LDB2: variants seen among roughly 807,000 people sequenced by gnomAD.
The protein encoded by LDB2 is LIM domain binding 2.
LDB2 carries 12 observed loss-of-function variants against 44.3 expected under a neutral mutation model. The ratio of observed to expected loss-of-function variants is 0.27; its 90% CI spans 0.17 to 0.44. LDB2 has a LOEUF of 0.44. Ranked by LOEUF, LDB2 falls within the 20% of genes least tolerant of loss-of-function variation. The probability of loss-of-function intolerance (pLI) is 1.00; values close to 1 mark genes in which losing one functional copy is unlikely to be tolerated. For missense variants in LDB2, 344 were observed against 473.5 expected, an observed-to-expected ratio of 0.73 and a Z score of 2.54; for synonymous variants, 164 against 174.8, an observed-to-expected ratio of 0.94 and a Z score of 0.49.
At chr4:16,672,513 G>C (rs973050222) in intron 2 of LDB2, among the ~76,000 whole-genome samples, 6 of 152,176 alleles carry the variant, frequency 3.9e-5, no homozygotes. Flanking sequence ...TTACTTTCTT[G>C]TGTTCTAGTT....
At chr4:16,845,175 G>T (rs1175297555) in intron 1 of LDB2, among the ~76,000 whole-genome samples, 4 of 152,184 alleles carry the variant, frequency 2.6e-5, no homozygotes, top group African/African-American at 9.7e-5. Context: ...GGTCCCTGAA[G>T]CTCTAGAGGG....
chr4:16,537,076 T>C (rs961808048), intron 5 of LDB2, among the ~76,000 whole-genome samples: 2 of 152,218 alleles, frequency 1.3e-5, no homozygotes, highest in African/African-American at 4.8e-5. Flanking sequence ...TGTGTGTGGC[T>C]GAGTGTCTAG....
chr4:16,764,721 G>A (rs561472341), intron 1 of LDB2, among the ~76,000 whole-genome samples: 32 of 152,260 alleles, frequency 2.1e-4, no homozygotes, highest in African/African-American at 5.1e-4. Flanking sequence ...CCTGCTGACC[G>A]TAAACTTAGA....
chr4:16,784,534 G>A (rs776827665), intron 1 of LDB2, among the ~76,000 whole-genome samples: 1 of 152,172 alleles, frequency 6.6e-6, no homozygotes, highest in Non-Finnish European at 1.5e-5. Context: ...CCTCCATAAA[G>A]AGCAATGGTT....
In LDB2 at chr4:16,667,345, T is replaced by C. The variant is rs116731783; in HGVS notation, c.236-71470A>G. On this transcript the variant is annotated intron_variant, in intron 2 of 7. Coordinates refer to ENST00000304523, the MANE Select transcript of LDB2 (RefSeq NM_001290.5). ...GCCGTGCACGGAGCCCTGGGTGACA[T>C]TGTTTACCTGGAATGTTCTACACCA... Among the ~76,000 whole-genome samples, 226 of 152,278 alleles carry C rather than the reference T, an allele frequency of 1.5e-3. 2 individuals are homozygous for C. The highest frequency in any genetic ancestry group is 5.3e-3 in the African/African-American group (219 of 41,554).
At chr4:16,695,933 A>T (rs1379981375) in intron 2 of LDB2, among the ~76,000 whole-genome samples, 1 of 152,222 alleles carries the variant, frequency 6.6e-6, no homozygotes, top group East Asian at 1.9e-4. Context: ...TCCCACTTCC[A>T]GGATTAAATC....
intron 2 of LDB2, among the ~76,000 whole-genome samples, chr4:16,682,143 T>A (rs1417272456): frequency 6.6e-6 from 1 of 152,188 alleles, no homozygotes; most frequent in Non-Finnish European, 1.5e-5. Flanking sequence ...AGTTGATGGA[T>A]TTGAGTCTTA....
chr4:16,563,491 C>T (rs1743283751), intron 5 of LDB2, among the ~76,000 whole-genome samples: 1 of 123,518 alleles, frequency 8.1e-6, no homozygotes, highest in African/African-American at 3.1e-5. Context: ...CTCTGTCACC[C>T]AGGCTGGAGT....
rs1381691933 is a variant in LDB2 at position 16,674,306 on chromosome 4, C to T, written c.236-78431G>A. The stretch of plus-strand genomic sequence containing the variant: ...GGTTGCAGTTTCCTCTGGCATCTGC[C>T]GCTGAATGCACAACTGCAGAAAGAC... On this transcript the variant is annotated intron_variant, in intron 2 of 7. Transcript: ENST00000304523. 39 of 1,274,166 alleles carry T rather than the reference C, an allele frequency of 3.1e-5. 1 individual carries two copies. Among genetic ancestry groups the T allele is most frequent in the African/African-American group, 6.1e-5 (4 of 65,516 alleles). 78.9% of individuals were successfully genotyped at this position (1,274,166 alleles called of 1,614,324 possible).
At chr4:16,797,117 T>C (rs1162636216) in intron 1 of LDB2, among the ~76,000 whole-genome samples, 1 of 152,160 alleles carries the variant, frequency 6.6e-6, no homozygotes, top group Non-Finnish European at 1.5e-5. Flanking sequence ...TCAGGACCCC[T>C]GCATTGACCA....
chr4:16,540,008 C>T (rs1426177068), intron 5 of LDB2, among the ~76,000 whole-genome samples: 3 of 152,138 alleles, frequency 2.0e-5, no homozygotes, highest in Admixed American at 1.3e-4. Context: ...CCTCAGGAAA[C>T]TTATAATCAT....
intron 2 of LDB2, among the ~76,000 whole-genome samples, chr4:16,700,703 TGG>T (rs1240731973): frequency 5.3e-5 from 8 of 152,184 alleles, no homozygotes; most frequent in African/African-American, 1.9e-4. Context: ...ATATACAAAG[TGG>T]GAGGACTTGA....
At chr4:16,728,365 G>T (rs1366345359) in intron 2 of LDB2, among the ~76,000 whole-genome samples, 1 of 152,038 alleles carries the variant, frequency 6.6e-6, no homozygotes, top group Non-Finnish European at 1.5e-5. Context: ...AGAGTAAAGT[G>T]AAAGAAATAG....
intron 2 of LDB2, among the ~76,000 whole-genome samples, chr4:16,689,628 T>C (rs981004884): frequency 5.3e-5 from 8 of 152,186 alleles, no homozygotes; most frequent in Non-Finnish European, 1.0e-4. Flanking sequence ...TTCAATCTAC[T>C]TCAGTTTCCT....
chr4:16,589,067 C>T (rs1560563249), intron 3 of LDB2, among the ~76,000 whole-genome samples: 1 of 152,210 alleles, frequency 6.6e-6, no homozygotes, highest in Non-Finnish European at 1.5e-5. Context: ...AGTAATTCTA[C>T]TAGTTACTAC....
chr4:16,805,746 T>C (rs1778664194), intron 1 of LDB2, among the ~76,000 whole-genome samples: 1 of 152,196 alleles, frequency 6.6e-6, no homozygotes, highest in African/African-American at 2.4e-5. Flanking sequence ...TGACTGCATG[T>C]AGAATCAACT....
chr4:16,710,156 A>C lies in LDB2; in HGVS notation c.235+49002T>G, dbSNP rs1017910041. ...AGTGGAGACTGATGGGATGGGAAGA[A>C]GAATAGTTTTTAAAAATATTTCTGC... On this transcript the variant is annotated intron_variant, in intron 2 of 7. Transcript: ENST00000304523. Among the ~76,000 whole-genome samples, 7 of 152,202 alleles carry C rather than the reference A, an allele frequency of 4.6e-5. No individual in the cohort carries two copies. The East Asian group carries it at 1.2e-3, about 25-fold the overall frequency.
intron 1 of LDB2, among the ~76,000 whole-genome samples, chr4:16,761,534 C>A (rs77143840): frequency 0.013 from 2,007 of 152,236 alleles, 46 homozygotes; most frequent in African/African-American, 0.045. Flanking sequence ...AACACTGCCC[C>A]CTCCCAGCTT....
At position 16,595,705 on chromosome 4, in the gene LDB2, T is replaced by C. The variant is rs1415964759; in HGVS notation, c.406A>G (p.Lys136Glu). 6.2e-7 allele frequency: 1 copy of C among 1,612,996 alleles called. No individual in the cohort carries two copies. The highest frequency in any genetic ancestry group is 1.3e-5 in the African/African-American group (1 of 74,856). Residue 136 changes from lysine (K) to glutamate (E), a missense_variant and splice_region_variant, in exon 3 of 8, where the codon AAG becomes GAG. By Grantham distance (56) the Lys-to-Glu change is moderately conservative (BLOSUM62 1). Coordinates refer to ENST00000304523, the MANE Select transcript of LDB2 (RefSeq NM_001290.5). ...VTQHGKPMFT[K>E]VCTEGRLILE... is the part of the protein sequence containing the mutation. ...ATGTGACAGAGCCTGTCCTGTACCT[T>C]GGTAAACATGGGCTTCCCGTGCTGG...
Sources: gnomAD v4.1 joint callset for allele counts (sites outside exome capture counted in the v4.1 genomes callset) on GRCh38, gnomAD v4.1.1 for gene constraint, MANE v1.5 for transcripts, NCBI Gene and HGNC (gene_info 2026-07-23, HGNC 2026-07-21) for gene names.